The following CILK1 variants were observed in gnomAD, a reference collection of about 807,000 sequenced individuals.
CILK1 encodes the protein serine/threonine-protein kinase ICK.
In CILK1, 47 loss-of-function variants were observed where a neutral mutation model predicts 79.2. The observed-to-expected ratio is 0.59, with a 90% confidence interval of 0.47 to 0.76. The LOEUF (loss-of-function observed/expected upper bound fraction) is 0.76, where lower values mean the gene tolerates loss of function less well. Among genes scored for constraint, CILK1 ranks in the 30% least tolerant of loss-of-function variants. The probability of loss-of-function intolerance (pLI) is 0.00; values close to 1 mark genes in which losing one functional copy is unlikely to be tolerated. For missense variants in CILK1, 660 were observed against 769.5 expected (o/e 0.86, Z 1.68); for synonymous variants, 266 against 275.9 (o/e 0.96, Z 0.36).
chr6:53,019,024 G>C (rs1367697884), intron 6 of CILK1, among the ~76,000 whole-genome samples: 1 of 152,098 alleles, frequency 6.6e-6, no homozygotes, highest in African/African-American at 2.4e-5. Context: ...TTATAGAAAA[G>C]CATAATAGGT....
intron 5 of CILK1, among the ~76,000 whole-genome samples, chr6:53,019,844 T>TG (rs1562014307): frequency 6.6e-6 from 1 of 151,548 alleles, no homozygotes; most frequent in Non-Finnish European, 1.5e-5. Context: ...TTTTTTTTTT[T>TG]TTGTTTTTGT....
rs1764732272 is a variant in CILK1, at chr6:53,013,812, A to G, written c.1002T>C (p.Ser334=). Residue 334 remains serine, a synonymous_variant, in exon 9 of 14, where the codon TCT becomes TCC. Transcript: ENST00000676107. ...QPPAKPHTRI[S]SRQHQASQPP... is the part of the protein sequence containing the mutation. ...GCTGGCTGGCTTGATGCTGTCGTGA[A>G]GAAATTCGTGTGTGTGGCTTGGCTG... 6.2e-7 allele frequency: 1 copy of G among 1,613,770 alleles called. No homozygotes were observed.
chr6:53,009,985 C>T (rs564286372), intron 11 of CILK1, among the ~76,000 whole-genome samples: 27 of 152,312 alleles, frequency 1.8e-4, no homozygotes, highest in African/African-American at 3.1e-4. Flanking sequence ...TCTTCTCACC[C>T]GACCTGGACC....
intron 8 of CILK1, 62 bp downstream of exon 8, chr6:53,016,021 G>A (rs78788032): frequency 4.0e-6 from 6 of 1,482,620 alleles, no homozygotes; most frequent in Non-Finnish European, 5.7e-6. Flanking sequence ...TATTTCCTGT[G>A]CAATTCATAG....
At chr6:53,033,891 C>T (rs770846117) in intron 3 of CILK1, among the ~76,000 whole-genome samples, 13 of 152,160 alleles carry the variant, frequency 8.5e-5, no homozygotes, top group Non-Finnish European at 1.8e-4. Flanking sequence ...GCTTCCTCCC[C>T]AGAAGAATAG....
intron 5 of CILK1, among the ~76,000 whole-genome samples, chr6:53,029,270 G>A (rs925298415): frequency 1.3e-5 from 2 of 152,102 alleles, no homozygotes; most frequent in Non-Finnish European, 2.9e-5. Context: ...TTGTCCCTAA[G>A]ATACCATGCC....
intron 1 of CILK1, among the ~76,000 whole-genome samples, chr6:53,053,218 T>A (rs1416418090): frequency 6.6e-6 from 1 of 152,180 alleles, no homozygotes; most frequent in Non-Finnish European, 1.5e-5. Context: ...CAGCTTCTGG[T>A]ACAGATAGTT....
At position 53,018,014 on chromosome 6, in the gene CILK1, G is replaced by A. The variant is rs1265912034; in HGVS notation, c.663+316C>T. 3.9e-5 allele frequency among the ~76,000 whole-genome samples: 6 copies of A among 152,282 alleles called. No homozygotes were observed. The East Asian group carries it at 9.6e-4, about 24-fold the overall frequency. On this transcript the variant is annotated intron_variant, in intron 7 of 13. Coordinates refer to ENST00000676107, the MANE Select transcript of CILK1 (RefSeq NM_014920.5). ...TGTAGTAATAATGGAGGGAGGCAGCGGCTAAGGATTACATTCAGGAGACTT... is the reference window on the plus strand; with the variant it reads ...TGTAGTAATAATGGAGGGAGGCAGCAGCTAAGGATTACATTCAGGAGACTT...
At chr6:53,009,678 A>G (rs1200548874) in intron 11 of CILK1, 111 bp from the exon 12 acceptor site, 1 of 935,724 alleles carries the variant, frequency 1.1e-6, no homozygotes, top group Non-Finnish European at 1.6e-6. Flanking sequence ...TCTATGATAC[A>G]ATAATCAAAG....
intron 1 of CILK1, among the ~76,000 whole-genome samples, chr6:53,050,547 T>C (rs906009805): frequency 6.6e-6 from 1 of 151,972 alleles, no homozygotes; most frequent in African/African-American, 2.4e-5. Flanking sequence ...TTATATAGGC[T>C]GGGCGTGGTC....
intron 4 of CILK1, 131 bp downstream of exon 4, chr6:53,032,402 T>C (rs1766026728): frequency 1.2e-5 from 4 of 321,940 alleles, no homozygotes; most frequent in South Asian, 2.2e-4. Context: ...AGTATAATAA[T>C]AATAAAATAA....
intron 12 of CILK1, among the ~76,000 whole-genome samples, chr6:53,009,009 C>T (rs1764403865): frequency 2.0e-5 from 3 of 152,106 alleles, no homozygotes; most frequent in Admixed American, 1.3e-4. Flanking sequence ...AACTGTCCAC[C>T]TTCCAACTAG....
chr6:53,048,866 T>C (rs1303769844), intron 1 of CILK1, among the ~76,000 whole-genome samples: 3 of 152,178 alleles, frequency 2.0e-5, no homozygotes, highest in Non-Finnish European at 2.9e-5. Flanking sequence ...AGTGGTGCCA[T>C]GGCTCGGACT....
At chr6:53,006,842 T>A (rs1044200946) in intron 12 of CILK1, among the ~76,000 whole-genome samples, 2 of 152,226 alleles carry the variant, frequency 1.3e-5, no homozygotes, top group African/African-American at 4.8e-5. Flanking sequence ...TAAACCATAA[T>A]CCATTTAACC....
At chr6:53,020,079 G>A (rs558292175) in intron 5 of CILK1, among the ~76,000 whole-genome samples, 1 of 152,174 alleles carries the variant, frequency 6.6e-6, no homozygotes, top group African/African-American at 2.4e-5. Context: ...ATCTGAGATT[G>A]TGGTGTATGT....
intron 5 of CILK1, 35 bp from the exon 6 acceptor site, chr6:53,019,394 C>A: frequency 6.2e-7 from 1 of 1,612,472 alleles, no homozygotes; most frequent in South Asian, 1.1e-5. Flanking sequence ...AATCCAAATG[C>A]AAGTTTGCTT....
Position 53,005,287 on chromosome 6 carries a change from C to T in CILK1, c.1761G>A (p.Lys587=), listed in dbSNP as rs963557698. 2.5e-6 allele frequency: 4 copies of T among 1,614,176 alleles called. No homozygotes were observed. Among genetic ancestry groups the T allele is most frequent in the Non-Finnish European group, 2.5e-6 (3 of 1,180,044 alleles). ...GTCGCCCAGGATGAGGTCTCATGGC[C>T]TTCAGGGAGGAATAACCTGCAATGA... is the stretch of plus-strand genomic sequence containing the variant. ...PDPSPGYSSL[K]AMRPHPGRPF... The change falls in exon 14 of 14, where the codon AAG becomes AAA. Residue 587 remains lysine (K), a synonymous_variant. Coordinates refer to ENST00000676107, the MANE Select transcript of CILK1 (RefSeq NM_014920.5).
intron 1 of CILK1, among the ~76,000 whole-genome samples, chr6:53,058,574 C>T (rs187129558): frequency 2.6e-5 from 4 of 152,190 alleles, no homozygotes; most frequent in African/African-American, 9.6e-5. Flanking sequence ...GCGCATTCTC[C>T]CTGATTCAAC....
intron 5 of CILK1, among the ~76,000 whole-genome samples, chr6:53,029,601 G>C (rs1765795786): frequency 6.6e-6 from 1 of 152,140 alleles, no homozygotes; most frequent in African/African-American, 2.4e-5. Flanking sequence ...TTCAGCACAA[G>C]GTCTTTTCTA....
Sources: gnomAD v4.1 joint callset for allele counts (sites outside exome capture counted in the v4.1 genomes callset) on GRCh38, gnomAD v4.1.1 for gene constraint, MANE v1.5 for transcripts, NCBI Gene and HGNC (gene_info 2026-07-23, HGNC 2026-07-21) for gene names.